Variants in AGBL1 observed in about 807,000 individuals in gnomAD.
AGBL1 encodes cytosolic carboxypeptidase 4.
In AGBL1, 130 loss-of-function variants were observed where a neutral mutation model predicts 118.9. The observed-to-expected ratio is 1.09, with a 90% CI of 0.95 to 1.26. The LOEUF (loss-of-function observed/expected upper bound fraction) is 1.26, where lower values mean the gene tolerates loss of function less well. AGBL1 is among the 50% of genes most tolerant of loss of function. The probability of loss-of-function intolerance (pLI) is 0.00; values close to 1 mark genes in which losing one functional copy is unlikely to be tolerated. For missense variants in AGBL1, 1,584 were observed against 1,298.1 expected, an observed-to-expected ratio of 1.22 and a Z score of -3.38; for synonymous variants, 555 against 478.9, an observed-to-expected ratio of 1.16 and a Z score of -2.08.
intron 21 of AGBL1, among the ~76,000 whole-genome samples, chr15:86,595,625 T>C (rs2142360710): frequency 6.6e-6 from 1 of 152,278 alleles, no homozygotes; most frequent in South Asian, 2.1e-4. Flanking sequence ...GACCATCACC[T>C]CTTTCTTGGA....
At chr15:86,596,185 G>A (rs1567076007) in intron 21 of AGBL1, among the ~76,000 whole-genome samples, 1 of 152,070 alleles carries the variant, frequency 6.6e-6, no homozygotes. Context: ...GCGTGTGCCT[G>A]TAGTCCCAGC....
At chr15:86,406,916 C>A in intron 18 of AGBL1, among the ~76,000 whole-genome samples, 1 of 151,964 alleles carries the variant, frequency 6.6e-6, no homozygotes, top group East Asian at 1.9e-4. Flanking sequence ...TTTGTTTATT[C>A]TTAGCATTTT....
intron 21 of AGBL1, among the ~76,000 whole-genome samples, chr15:86,657,712 A>T (rs2085482735): frequency 6.6e-6 from 1 of 152,096 alleles, no homozygotes; most frequent in South Asian, 2.1e-4. Context: ...CTTGCTCCAA[A>T]CTTAAGGTGG....
At chr15:86,509,905 A>G (rs1172967227) in intron 18 of AGBL1, among the ~76,000 whole-genome samples, 1 of 151,832 alleles carries the variant, frequency 6.6e-6, no homozygotes, top group Non-Finnish European at 1.5e-5. Flanking sequence ...GAGCTTGCTT[A>G]GGATTACACT....
At position 86,363,280 on chromosome 15, in the gene AGBL1, A is replaced by G. The variant is rs142146920; in HGVS notation, c.2375-34086A>G. On this transcript the variant is annotated intron_variant, in intron 17 of 22. Transcript: ENST00000614907. ...CAAACTGGGCACCTCCTGTTCTGCT[A>G]TCTTACTGGTGTCATTTAGACATAC... is the stretch of plus-strand genomic sequence containing the variant. Among the ~76,000 whole-genome samples the G allele has an allele frequency of 9.2e-5, 14 of 152,276 alleles. No homozygotes were observed. In the East Asian group the frequency reaches 2.3e-3, roughly 25 times the overall value.
At chr15:86,980,360 T>C (rs939896228) in intron 23 of AGBL1, among the ~76,000 whole-genome samples, 4 of 152,184 alleles carry the variant, frequency 2.6e-5, no homozygotes, top group Non-Finnish European at 5.9e-5. Flanking sequence ...TTTTGCCACC[T>C]GCGGGAGCAT....
At chr15:86,724,671 A>G (rs1233349463) in intron 22 of AGBL1, among the ~76,000 whole-genome samples, 1 of 152,078 alleles carries the variant, frequency 6.6e-6, no homozygotes, top group African/African-American at 2.4e-5. Flanking sequence ...TTGAAATGTA[A>G]TTTTCAATGT....
intron 16 of AGBL1, among the ~76,000 whole-genome samples, chr15:86,281,180 C>T (rs551834532): frequency 1.2e-4 from 19 of 152,176 alleles, no homozygotes; most frequent in African/African-American, 4.1e-4. Flanking sequence ...GCCCAGAGTT[C>T]GAGACCAGCC....
intron 22 of AGBL1, among the ~76,000 whole-genome samples, chr15:86,715,307 A>G (rs2086621510): frequency 6.6e-6 from 1 of 152,118 alleles, no homozygotes; most frequent in Non-Finnish European, 1.5e-5. Flanking sequence ...TATCCTTATC[A>G]CCCAGCGGAG....
chr15:86,238,842 T>TG (rs1489417220), intron 6 of AGBL1, among the ~76,000 whole-genome samples: 5 of 152,150 alleles, frequency 3.3e-5, no homozygotes, highest in African/African-American at 1.2e-4. Flanking sequence ...TTTGTAGAGA[T>TG]GGGGGTCTCA....
chr15:86,757,364 G>C (rs1426019540), intron 22 of AGBL1, among the ~76,000 whole-genome samples: 1 of 152,006 alleles, frequency 6.6e-6, no homozygotes, highest in Non-Finnish European at 1.5e-5. Flanking sequence ...TGTCACACTT[G>C]GGGAAATGGA....
chr15:86,430,206 A>T (rs994399529), intron 18 of AGBL1, among the ~76,000 whole-genome samples: 2 of 152,172 alleles, frequency 1.3e-5, no homozygotes, highest in African/African-American at 4.8e-5. Flanking sequence ...GTGATTAAAG[A>T]TATATCTCAG....
At chr15:86,210,855 G>A (rs139187949) in intron 5 of AGBL1, among the ~76,000 whole-genome samples, 35 of 152,244 alleles carry the variant, frequency 2.3e-4, no homozygotes, top group African/African-American at 6.3e-4. Flanking sequence ...GGTTTGTTCC[G>A]TTGTTGGTGA....
intron 24 of AGBL1, among the ~76,000 whole-genome samples, chr15:87,018,449 G>A (rs571786973): frequency 1.3e-4 from 20 of 152,080 alleles, no homozygotes; most frequent in Admixed American, 3.9e-4. Context: ...AAGATATTGG[G>A]GGCCAATATT....
At chr15:86,273,283 A>G (rs1383640598) in intron 15 of AGBL1, among the ~76,000 whole-genome samples, 1 of 152,230 alleles carries the variant, frequency 6.6e-6, no homozygotes, top group Non-Finnish European at 1.5e-5. Context: ...GATAGCTTTT[A>G]GAGCTATTAG....
At chr15:86,646,553 A>G (rs1439933709) in intron 21 of AGBL1, among the ~76,000 whole-genome samples, 1 of 152,168 alleles carries the variant, frequency 6.6e-6, no homozygotes, top group Non-Finnish European at 1.5e-5. Context: ...CCCACACTCA[A>G]GACTCTGTGC....
chr15:86,151,458 G>T (rs145320805), intron 3 of AGBL1, among the ~76,000 whole-genome samples: 1 of 152,012 alleles, frequency 6.6e-6, no homozygotes, highest in Non-Finnish European at 1.5e-5. Flanking sequence ...TGCAGAAAAG[G>T]CCTTCAACAA....
intron 17 of AGBL1, among the ~76,000 whole-genome samples, chr15:86,375,440 A>G (rs2141951271): frequency 1.3e-5 from 2 of 152,164 alleles, no homozygotes; most frequent in Middle Eastern, 3.4e-3. Flanking sequence ...CCCCCCCACC[A>G]GGTCCCTCCC....
At chr15:86,854,556 T>C (rs964494230) in intron 22 of AGBL1, among the ~76,000 whole-genome samples, 1 of 152,194 alleles carries the variant, frequency 6.6e-6, no homozygotes, top group African/African-American at 2.4e-5. Context: ...GAGCCAGTGT[T>C]ACATGCACAC....
Sources: allele counts gnomAD v4.1 joint callset (sites outside exome capture counted in the v4.1 genomes callset), GRCh38; gene constraint gnomAD v4.1.1; transcripts MANE v1.5; gene names NCBI Gene and HGNC (gene_info 2026-07-23, HGNC 2026-07-21).